CRTC3: variants seen among roughly 807,000 people sequenced by gnomAD.
The protein encoded by CRTC3 is CREB-regulated transcription coactivator 3.
In CRTC3, 26 loss-of-function variants were observed where a neutral mutation model predicts 74.5. The ratio of observed to expected loss-of-function variants is 0.35; its 90% confidence interval spans 0.26 to 0.48. The LOEUF (loss-of-function observed/expected upper bound fraction) is 0.48, where lower values mean the gene tolerates loss of function less well. Ranked by LOEUF, CRTC3 falls within the 20% of genes least tolerant of loss-of-function variation. The pLI is 0.99. For missense variants in CRTC3, 760 were observed against 787.3 expected (o/e 0.97, Z 0.41); for synonymous variants, 377 against 325.8 (o/e 1.16, Z -1.69).
chr15:90,557,350 CT>C (rs1037429804), intron 2 of CRTC3, among the ~76,000 whole-genome samples: 3 of 152,136 alleles, frequency 2.0e-5, no homozygotes, highest in Non-Finnish European at 2.9e-5. Flanking sequence ...CTTTCTCGCC[CT>C]TTGCTGACAG....
intron 4 of CRTC3, among the ~76,000 whole-genome samples, chr15:90,604,009 C>A (rs1489057031): frequency 1.3e-5 from 2 of 152,148 alleles, no homozygotes; most frequent in Non-Finnish European, 2.9e-5. Context: ...TATTTTCATA[C>A]CCTGGGCAAC....
chr15:90,532,034 A>G (rs1450142980), intron 1 of CRTC3, among the ~76,000 whole-genome samples: 1 of 152,210 alleles, frequency 6.6e-6, no homozygotes. Context: ...AGCCTAATCA[A>G]CTGTGGCCCA....
Position 90,643,175 on chromosome 15 carries a change from C to T in CRTC3, c.*1035C>T, listed in dbSNP as rs374604602. ...CCTAACACGTGCGTGGCAGCACAGT[C>T]GTGTGCTGGAGTGAGTGCTGCAGAA... is the stretch of plus-strand genomic sequence containing the variant. On this transcript the variant is annotated 3_prime_UTR_variant, in exon 15 of 15. Coordinates refer to ENST00000268184, the MANE Select transcript of CRTC3 (RefSeq NM_022769.5). 1.2e-4 allele frequency: 27 copies of T among 232,498 alleles called. No homozygotes were observed. Among genetic ancestry groups the T allele is most frequent in the South Asian group, 9.1e-4 (5 of 5,520 alleles). The allele number at this position is 232,498 out of a possible 1,614,324, so 14.4% of individuals were successfully genotyped here.
In CRTC3 at chr15:90,546,694, C is replaced by T. The variant is rs575637925; in HGVS notation, c.231+6557C>T. On this transcript the variant is annotated intron_variant, in intron 2 of 14. Coordinates refer to ENST00000268184, the MANE Select transcript of CRTC3 (RefSeq NM_022769.5). ...CTGGAGTGCAGTGGCACGATCTCCA[C>T]TCACTGCAAGCTCTGCCCCCTGGGT... Among the ~76,000 whole-genome samples, 20 of 152,300 alleles carry T rather than the reference C, an allele frequency of 1.3e-4. No individual in the cohort carries two copies. The East Asian group carries it at 3.9e-3, about 29-fold the overall frequency.
intron 2 of CRTC3, among the ~76,000 whole-genome samples, chr15:90,559,913 G>C (rs1966975451): frequency 6.6e-6 from 1 of 152,254 alleles, no homozygotes; most frequent in Non-Finnish European, 1.5e-5. Context: ...AAAGTGTTGG[G>C]ATTACAGGCG....
chr15:90,605,588 C>T (rs2151083309), intron 5 of CRTC3, among the ~76,000 whole-genome samples: 2 of 100,682 alleles, frequency 2.0e-5, no homozygotes, highest in Middle Eastern at 9.4e-3. Context: ...GTTTGATATT[C>T]TCTTGAGTCT....
At chr15:90,634,524 G>T (rs554817188) in intron 11 of CRTC3, among the ~76,000 whole-genome samples, 6 of 152,146 alleles carry the variant, frequency 3.9e-5, no homozygotes, top group Non-Finnish European at 5.9e-5. Context: ...GCTGATTTTG[G>T]TTTTTCACAA....
At chr15:90,540,282 T>C (rs1596069208) in intron 2 of CRTC3, 145 bp downstream of exon 2, 1 of 600,778 alleles carries the variant, frequency 1.7e-6, no homozygotes, top group East Asian at 2.9e-5. Flanking sequence ...ATATTCTCTC[T>C]CATAGTTTCT....
At chr15:90,579,634 CTTTTT>C (rs146273285) in intron 2 of CRTC3, among the ~76,000 whole-genome samples, 18 of 84,198 alleles carry the variant, frequency 2.1e-4, no homozygotes, top group Non-Finnish European at 2.9e-4. Context: ...ACGTATTTCA[CTTTTT>C]TTTTTTTTTT....
At chr15:90,602,093 G>T (rs901988654) in intron 3 of CRTC3, among the ~76,000 whole-genome samples, 9 of 151,960 alleles carry the variant, frequency 5.9e-5, no homozygotes, top group Non-Finnish European at 1.5e-5. Context: ...TGCCGGACAG[G>T]CAAAAAATAA....
chr15:90,540,442 A>G (rs1966784616), intron 2 of CRTC3, among the ~76,000 whole-genome samples: 1 of 152,098 alleles, frequency 6.6e-6, no homozygotes, highest in Non-Finnish European at 1.5e-5. Flanking sequence ...ATATTTTTCA[A>G]AATGCAGCTT....
In CRTC3 at chr15:90,633,363, CTTAAAATGTCT is replaced by C. The variant is rs558134842; in HGVS notation, c.1266+3835_1266+3845del. Reference sequence around the variant, plus strand: ...AAAGAGTGCCTGTGACTTTGTATGACTTAAAATGTCTTTATTTGATCTGCCATTTAATTATT... The same window carrying C: ...AAAGAGTGCCTGTGACTTTGTATGACTTATTTGATCTGCCATTTAATTATT... On this transcript the variant is annotated intron_variant, in intron 11 of 14. Coordinates refer to ENST00000268184, the MANE Select transcript of CRTC3 (RefSeq NM_022769.5). 5.2e-4 allele frequency among the ~76,000 whole-genome samples: 79 copies of C among 152,276 alleles called. No individual in the cohort carries two copies. The South Asian group carries it at 0.015, about 30-fold the overall frequency.
At position 90,644,619 on chromosome 15, in the gene CRTC3, C is replaced by G. The variant is rs978323873; in HGVS notation, c.*2479C>G. ...TGGTTTAGCACTGAATTCAATTTGT[C>G]CTTAGGTCTATGAGTGAGTCCGATC... On this transcript the variant is annotated 3_prime_UTR_variant, in exon 15 of 15. Coordinates refer to ENST00000268184, the MANE Select transcript of CRTC3 (RefSeq NM_022769.5). 1 of 232,148 alleles carries G rather than the reference C, an allele frequency of 4.3e-6. No homozygotes were observed. Among genetic ancestry groups the G allele is most frequent in the African/African-American group, 2.2e-5 (1 of 45,232 alleles). The allele number at this position is 232,148 out of a possible 1,614,324, so 14.4% of individuals were successfully genotyped here.
At chr15:90,574,347 G>A (rs539286652) in intron 2 of CRTC3, among the ~76,000 whole-genome samples, 1 of 151,962 alleles carries the variant, frequency 6.6e-6, no homozygotes, top group Non-Finnish European at 1.5e-5. Context: ...GTGTGGTGGT[G>A]CGCACCTGTA....
At position 90,634,681 on chromosome 15, in the gene CRTC3, G is replaced by A. The variant is rs16944690; in HGVS notation, c.1267-3765G>A. On this transcript the variant is annotated intron_variant, in intron 11 of 14. Coordinates refer to ENST00000268184, the MANE Select transcript of CRTC3 (RefSeq NM_022769.5). The stretch of plus-strand genomic sequence containing the variant: ...GGACACTGAGGGGCTGTCTCCTTGC[G>A]GCTCTACACTAGAGCGGAGTATGAG... 6.9e-3 allele frequency: 4,202 copies of A among 605,020 alleles called. 140 individuals carry two copies. Among genetic ancestry groups the A allele is most frequent in the African/African-American group, 0.068 (3,680 of 53,974 alleles). 37.5% of individuals were successfully genotyped at this position (605,020 alleles called of 1,614,324 possible).
intron 2 of CRTC3, among the ~76,000 whole-genome samples, chr15:90,592,179 C>T (rs6416553): frequency 0.87 from 131,977 of 152,236 alleles, 57,615 homozygotes; most frequent in African/African-American, 0.95. Flanking sequence ...AAAAACATTG[C>T]GTCACAGGAT....
intron 2 of CRTC3, among the ~76,000 whole-genome samples, chr15:90,591,288 TTTTC>T (rs1000972291): frequency 6.6e-6 from 1 of 151,768 alleles, no homozygotes; most frequent in African/African-American, 2.4e-5. Flanking sequence ...TAGAGCTAAT[TTTTC>T]TTTCTTTTGT....
chr15:90,596,932 A>G (rs1967941090), intron 3 of CRTC3, among the ~76,000 whole-genome samples: 1 of 152,228 alleles, frequency 6.6e-6, no homozygotes, highest in South Asian at 2.1e-4. Flanking sequence ...TTAAGGGTTC[A>G]CTCCTATGAT....
intron 11 of CRTC3, among the ~76,000 whole-genome samples, chr15:90,636,069 A>G (rs1452601082): frequency 7.9e-5 from 12 of 152,326 alleles, no homozygotes; most frequent in African/African-American, 2.9e-4. Flanking sequence ...TAAAGTTCAT[A>G]TGGAACCGAA....
Sources: gnomAD v4.1 joint callset for allele counts (sites outside exome capture counted in the v4.1 genomes callset) on GRCh38, gnomAD v4.1.1 for gene constraint, MANE v1.5 for transcripts, NCBI Gene and HGNC (gene_info 2026-07-23, HGNC 2026-07-21) for gene names.